The following PPP1R26 variants were observed in gnomAD, a reference collection of about 807,000 sequenced individuals.
PPP1R26 encodes the protein 1A6/DRIM (down-regulated in metastasis) interacting protein.
In PPP1R26, 22 loss-of-function variants were observed where a neutral mutation model predicts 67.6. The ratio of observed to expected loss-of-function variants is 0.33; its 90% confidence interval spans 0.23 to 0.46. The LOEUF (loss-of-function observed/expected upper bound fraction) is 0.46, where lower values mean the gene tolerates loss of function less well. PPP1R26 is among the 20% of genes least tolerant of loss of function. PPP1R26 has a pLI of 1.00. For synonymous variants in PPP1R26, 729 were observed against 717.2 expected (o/e 1.02, Z -0.26); for missense variants, 1,602 against 1,651.4 (o/e 0.97, Z 0.52).
In PPP1R26 at chr9:135,484,775, G is replaced by T. The variant is rs142421416; in HGVS notation, c.265G>T (p.Val89Leu). Residue 89 changes from valine (V) to leucine (L), a missense_variant, in exon 4 of 4, where the codon GTG becomes TTG. Physicochemically the swap from Val to Leu is conservative, Grantham distance 32 (BLOSUM62 1). Around this residue, in one of 5 missense-constraint regions of PPP1R26, gnomAD observed 168 missense variants for 176.1 expected, o/e 0.95. Transcript: ENST00000356818. ...HDARPAAKPT[V>L]HKEPPALAVC... ...CGCCAGGCCGGCTGCCAAGCCCACC[G>T]TGCACAAGGAGCCACCCGCGTTGGC... The T allele has an allele frequency of 6.2e-7, 1 of 1,611,308 alleles. No homozygotes were observed.
In PPP1R26 at chr9:135,486,946, G is replaced by A; in HGVS notation, c.2436G>A (p.Arg812=). Residue 812 remains arginine (R), a synonymous_variant, in exon 4 of 4, where the codon AGG becomes AGA. Transcript: ENST00000356818. This position sits in a 1 kb window ranked among gnomAD's most constrained non-coding sequence, Gnocchi z 6.2. ...ASASEGNPFP[R]ESQGPAPSPG... The stretch of plus-strand genomic sequence containing the variant: ...CCTCCGAAGGGAATCCATTCCCCAG[G>A]GAGTCCCAGGGCCCAGCTCCCAGCC... 1 of 1,613,030 alleles carries A rather than the reference G, an allele frequency of 6.2e-7. No homozygotes were observed. The highest frequency in any genetic ancestry group is 1.1e-5 in the South Asian group (1 of 91,078).
chr9:135,486,535 C>G lies in PPP1R26; in HGVS notation c.2025C>G (p.Asp675Glu). The G allele has an allele frequency of 6.2e-7, 1 of 1,612,390 alleles. No individual in the cohort carries two copies. The highest frequency in any genetic ancestry group is 8.5e-7 in the Non-Finnish European group (1 of 1,179,996). ...QGKTDEARRLDEKESSEDKSS... is the reference protein window; with the variant it reads ...QGKTDEARRLEEKESSEDKSS... Reference sequence around the variant, plus strand: ...AGACAGACGAGGCAAGGCGCCTAGACGAGAAAGAGAGCTCTGAAGACAAAA... The same window carrying G: ...AGACAGACGAGGCAAGGCGCCTAGAGGAGAAAGAGAGCTCTGAAGACAAAA... The change falls in exon 4 of 4, where the codon GAC becomes GAG. Residue 675 changes from aspartate (D) to glutamate (E), a missense_variant. Physicochemically the swap from Asp to Glu is conservative, Grantham distance 45. Transcript: ENST00000356818. This position sits in a 1 kb window ranked among gnomAD's most constrained non-coding sequence, Gnocchi z 6.2.
At position 135,487,013 on chromosome 9, in the gene PPP1R26, G is replaced by A. The variant is rs924012129; in HGVS notation, c.2503G>A (p.Asp835Asn). 14 of 1,611,840 alleles carry A rather than the reference G, an allele frequency of 8.7e-6. No individual in the cohort carries two copies. The highest frequency in any genetic ancestry group is 3.3e-5 in the Admixed American group (2 of 59,982). ...TGACAGCAGTTCAGTGGACAGCAACGACAGCATCGAACTGGAGATTAGGAA... is the reference window on the plus strand; with the variant it reads ...TGACAGCAGTTCAGTGGACAGCAACAACAGCATCGAACTGGAGATTAGGAA... ...SDDSSSVDSN[D>N]SIELEIRKFL... Residue 835 changes from aspartate (D) to asparagine (N), a missense_variant, in exon 4 of 4, where the codon GAC becomes AAC. Transcript: ENST00000356818.
intron 1 of PPP1R26, among the ~76,000 whole-genome samples, chr9:135,482,302 G>T (rs1408845147): frequency 6.6e-6 from 1 of 152,172 alleles, no homozygotes; most frequent in Non-Finnish European, 1.5e-5. Context: ...AGCTCCTCTC[G>T]CATTGTTGGT....
rs565912117 is a variant in PPP1R26, at chr9:135,487,796, G to T, written c.3286G>T (p.Gly1096Trp). 42 of 1,574,810 alleles carry T rather than the reference G, an allele frequency of 2.7e-5. No homozygotes were observed. Among genetic ancestry groups the T allele is most frequent in the Non-Finnish European group, 3.2e-5 (37 of 1,164,568 alleles). The change falls in exon 4 of 4, where the codon GGG becomes TGG. Residue 1096 changes from glycine (G) to tryptophan (W), a missense_variant. Gly to Trp is a radical substitution (Grantham distance 184). This residue lies in a region of PPP1R26 where 740 missense variants were observed against 696.3 expected (regional missense o/e 1.06). Transcript: ENST00000356818. ...LFHFGKGVSW[G>W]GRQAGLFSPH... The stretch of plus-strand genomic sequence containing the variant: ...CCACTTTGGAAAGGGTGTCTCCTGG[G>T]GGGGCAGGCAGGCTGGCCTCTTCAG...
At chr9:135,482,951 T>TG in intron 2 of PPP1R26, 136 bp downstream of exon 2, 1 of 342,450 alleles carries the variant, frequency 2.9e-6, no homozygotes, top group Non-Finnish European at 5.1e-6. Context: ...TGTGTGTAGG[T>TG]GGCCAGGCTC....
At chr9:135,482,858 C>T in intron 2 of PPP1R26, 43 bp downstream of exon 2, 1 of 398,216 alleles carries the variant, frequency 2.5e-6, no homozygotes, top group African/African-American at 2.1e-5. Context: ...CCTTGTAGGG[C>T]ACAAATTGGT....
At chr9:135,480,513 C>T (rs1370854899) in intron 1 of PPP1R26, 1 of 152,256 alleles carries the variant, frequency 6.6e-6, no homozygotes, top group Non-Finnish European at 1.5e-5. Flanking sequence ...GCGTTCACTC[C>T]CGCCGGGCCG....
Position 135,482,684 on chromosome 9 carries a change from C to G in PPP1R26, c.-327C>G, listed in dbSNP as rs1235441497. The G allele has an allele frequency of 7.5e-6, 3 of 398,056 alleles. No individual in the cohort carries two copies. Among genetic ancestry groups the G allele is most frequent in the Non-Finnish European group, 1.3e-5 (3 of 226,002 alleles). The allele number at this position is 398,056 out of a possible 1,614,324, so 24.7% of individuals were successfully genotyped here. A position where few individuals can be genotyped will look rare whatever the true frequency, so the allele number is the denominator to read the frequency against. On this transcript the variant is annotated splice_region_variant and 5_prime_UTR_variant, in exon 2 of 4. Coordinates refer to ENST00000356818, the MANE Select transcript of PPP1R26 (RefSeq NM_014811.5). The stretch of plus-strand genomic sequence containing the variant: ...TCTGATTCTCTTTGATTCTGGTAGT[C>G]AAAAGTCTATTGAAAAAGCAGAGAG...
Position 135,486,913 on chromosome 9 carries a change from C to G in PPP1R26, c.2403C>G (p.Ser801=), listed in dbSNP as rs1564209240. Residue 801 remains serine (S), a synonymous_variant, in exon 4 of 4, where the codon TCC becomes TCG. Coordinates refer to ENST00000356818, the MANE Select transcript of PPP1R26 (RefSeq NM_014811.5). The surrounding 1 kb of genome is among the most constrained non-coding windows in gnomAD (Gnocchi z 6.2). ...ALAFRVRRPA[S]ASASEGNPFP... ...CCTTCCGGGTGAGGAGACCCGCCTC[C>G]GCCTCTGCCTCCGAAGGGAATCCAT... is the stretch of plus-strand genomic sequence containing the variant. 6 of 1,612,776 alleles carry G rather than the reference C, an allele frequency of 3.7e-6. No individual in the cohort carries two copies. The highest frequency in any genetic ancestry group is 5.1e-6 in the Non-Finnish European group (6 of 1,179,976).
rs1360229729 is a variant in PPP1R26 at position 135,482,983 on chromosome 9, C to CTTTTT, written c.-196+171_-196+172insTTTTT. Among the ~76,000 whole-genome samples, 401 of 125,512 alleles carry CTTTTT rather than the reference C, an allele frequency of 3.2e-3. 16 individuals are homozygous for CTTTTT. The highest frequency in any genetic ancestry group is 0.012 in the East Asian group (38 of 3,052). The allele number at this position is 125,512 out of a possible 152,430, so 82.3% of individuals were successfully genotyped here. ...GCTCACCTTTTGTTTCTTTTTCTTTCTTTCTTTTTTTTTTTTTTTTTTTTG... is the reference window on the plus strand; with the variant it reads ...GCTCACCTTTTGTTTCTTTTTCTTTCTTTTTTTTCTTTTTTTTTTTTTTTTTTTTG... On this transcript the variant is annotated intron_variant, in intron 2 of 3. Coordinates refer to ENST00000356818, the MANE Select transcript of PPP1R26 (RefSeq NM_014811.5).
Position 135,486,055 on chromosome 9 carries a change from G to T in PPP1R26, c.1545G>T (p.Pro515=), listed in dbSNP as rs528586565. The change falls in exon 4 of 4, where the codon CCG becomes CCT. Residue 515 remains proline (P), a synonymous_variant. Transcript: ENST00000356818. The surrounding 1 kb of genome is among the most constrained non-coding windows in gnomAD (Gnocchi z 6.2). ...CCGCAAGCCCACTCTTCTACTCCCC[G>T]AACGTGCCTTCCCGCTCTGACGGCG... is the stretch of plus-strand genomic sequence containing the variant. ...SLSASPLFYS[P]NVPSRSDGDS... 7 of 1,613,014 alleles carry T rather than the reference G, an allele frequency of 4.3e-6. No individual in the cohort carries two copies. The African/African-American group carries it at 9.3e-5, about 22-fold the overall frequency.
At chr9:135,483,871 G>C (rs891176727) in intron 2 of PPP1R26, 79 bp from the exon 3 acceptor site, 1 of 397,588 alleles carries the variant, frequency 2.5e-6, no homozygotes. Context: ...ACATAGAGAG[G>C]GTTTAGTAAA....
Position 135,485,955 on chromosome 9 carries a change from T to C in PPP1R26, c.1445T>C (p.Met482Thr), listed in dbSNP as rs553311523. 3 of 1,613,316 alleles carry C rather than the reference T, an allele frequency of 1.9e-6. No homozygotes were observed. In the South Asian group the frequency reaches 3.3e-5, roughly 18 times the overall value. ...SCRADTSAEL[M>T]CAEAILDISK... ...CGGGCGGACACATCTGCTGAGCTGA[T>C]GTGTGCAGAAGCAATCCTGGACATC... The change falls in exon 4 of 4, where the codon ATG (methionine) becomes ACG (threonine). Residue 482 changes from methionine (M) to threonine (T), a missense_variant. Met to Thr is a moderately conservative substitution (Grantham distance 81). Coordinates refer to ENST00000356818, the MANE Select transcript of PPP1R26 (RefSeq NM_014811.5). The surrounding 1 kb of genome is among the most constrained non-coding windows in gnomAD (Gnocchi z 7.2).
At position 135,486,517 on chromosome 9, in the gene PPP1R26, C is replaced by T. The variant is rs370079457; in HGVS notation, c.2007C>T (p.Asp669=). 4.3e-6 allele frequency: 7 copies of T among 1,612,456 alleles called. No individual in the cohort carries two copies. Among genetic ancestry groups the T allele is most frequent in the African/African-American group, 2.7e-5 (2 of 74,850 alleles). The part of the protein sequence containing the change: ...TRMSQGQGKT[D]EARRLDEKES... The stretch of plus-strand genomic sequence containing the variant: ...TGTCACAGGGCCAGGGTAAGACAGA[C>T]GAGGCAAGGCGCCTAGACGAGAAAG... The change falls in exon 4 of 4, where the codon GAC becomes GAT. Residue 669 remains aspartate (D), a synonymous_variant. Transcript: ENST00000356818. This position sits in a 1 kb window ranked among gnomAD's most constrained non-coding sequence, Gnocchi z 6.2.
rs749542039 is a variant in PPP1R26 at position 135,486,894 on chromosome 9, G to C, written c.2384G>C (p.Arg795Pro). 1.2e-5 allele frequency: 20 copies of C among 1,612,700 alleles called. No individual in the cohort carries two copies. Among genetic ancestry groups the C allele is most frequent in the Admixed American group, 1.2e-4 (7 of 60,026 alleles). The change falls in exon 4 of 4, where the codon CGG (arginine) becomes CCG (proline). Residue 795 changes from arginine (R) to proline (P), a missense_variant. Transcript: ENST00000356818. The surrounding 1 kb of genome is among the most constrained non-coding windows in gnomAD (Gnocchi z 6.2). ...AGCCAGGACGCGGCCCTGGCCTTCC[G>C]GGTGAGGAGACCCGCCTCCGCCTCT... Reference protein sequence around the residue: ...AASQDAALAFRVRRPASASAS... With the variant: ...AASQDAALAFPVRRPASASAS...
At position 135,488,335 on chromosome 9, in the gene PPP1R26, G is replaced by T; in HGVS notation, c.*195G>T. On this transcript the variant is annotated 3_prime_UTR_variant, in exon 4 of 4. Coordinates refer to ENST00000356818, the MANE Select transcript of PPP1R26 (RefSeq NM_014811.5). ...GTAAATATGATTTTTGTAGCTTTTT[G>T]TAAATTATTTAAAGTGATGTAAAAG... 1.9e-6 allele frequency: 2 copies of T among 1,067,644 alleles called. No individual in the cohort carries two copies. The highest frequency in any genetic ancestry group is 2.4e-6 in the Non-Finnish European group (2 of 826,294). 66.1% of individuals were successfully genotyped at this position (1,067,644 alleles called of 1,614,324 possible). A position where few individuals can be genotyped will look rare whatever the true frequency, so the allele number is the denominator to read the frequency against.
At position 135,487,657 on chromosome 9, in the gene PPP1R26, A is replaced by G; in HGVS notation, c.3147A>G (p.Ala1049=). ...PWVLRSEGRD[A]VWRGGVGSER... is the part of the protein sequence containing the mutation. ...TGCTGCGCTCCGAAGGCAGAGATGC[A>G]GTGTGGAGGGGGGGCGTCGGGAGCG... The change falls in exon 4 of 4, where the codon GCA becomes GCG. Residue 1049 remains alanine (A), a synonymous_variant. Coordinates refer to ENST00000356818, the MANE Select transcript of PPP1R26 (RefSeq NM_014811.5). The G allele has an allele frequency of 6.8e-7, 1 of 1,469,388 alleles. No homozygotes were observed. The highest frequency in any genetic ancestry group is 9.0e-7 in the Non-Finnish European group (1 of 1,110,422). The allele number at this position is 1,469,388 out of a possible 1,614,324, so 91.0% of individuals were successfully genotyped here. A position where few individuals can be genotyped will look rare whatever the true frequency, so the allele number is the denominator to read the frequency against.
rs372323498 is a variant in PPP1R26 at position 135,485,012 on chromosome 9, G to A, written c.502G>A (p.Gly168Arg). The stretch of plus-strand genomic sequence containing the variant: ...AGCCCAGCCTTCCAGGGCCGCAGGC[G>A]GAGGCAGTAGATGTAAGCCGGAACC... Reference protein sequence around the residue: ...GAAQPSRAAGGGSRCKPEPAH... With the variant: ...GAAQPSRAAGRGSRCKPEPAH... Residue 168 changes from glycine (G) to arginine (R), a missense_variant, in exon 4 of 4, where the codon GGA becomes AGA. By Grantham distance (125) the Gly-to-Arg change is moderately radical (BLOSUM62 -2). Coordinates refer to ENST00000356818, the MANE Select transcript of PPP1R26 (RefSeq NM_014811.5). The surrounding 1 kb of genome is among the most constrained non-coding windows in gnomAD (Gnocchi z 7.2). 33 of 1,588,834 alleles carry A rather than the reference G, an allele frequency of 2.1e-5. No individual in the cohort carries two copies. The highest frequency in any genetic ancestry group is 1.7e-5 in the Admixed American group (1 of 57,524).
Sources: gnomAD v4.1 joint callset for allele counts (sites outside exome capture counted in the v4.1 genomes callset) on GRCh38, gnomAD v4.1.1 for gene constraint, gnomAD v4.1.1 regional missense constraint, Gnocchi (gnomAD v3.1) non-coding constraint, MANE v1.5 for transcripts, NCBI Gene and HGNC (gene_info 2026-07-23, HGNC 2026-07-21) for gene names.